The following CACNA2D2 variants were observed in gnomAD, a reference collection of about 807,000 sequenced individuals.
CACNA2D2 encodes the protein voltage-dependent calcium channel subunit alpha-2/delta-2.
Under a neutral mutation model 166.4 loss-of-function variants are expected in CACNA2D2, and 48 were observed. The ratio of observed to expected loss-of-function variants is 0.29; its 90% CI spans 0.23 to 0.37. CACNA2D2 has a LOEUF of 0.37. CACNA2D2 is among the 10% of genes least tolerant of loss of function. CACNA2D2 has a pLI of 1.00. For missense variants in CACNA2D2, 1,122 were observed against 1,433.0 expected, an observed-to-expected ratio of 0.78 and a Z score of 3.50; for synonymous variants, 561 against 573.7, an observed-to-expected ratio of 0.98 and a Z score of 0.32.
At position 50,403,967 on chromosome 3, in the gene CACNA2D2, G is replaced by A. The variant is rs144831784; in HGVS notation, c.406-9799C>T. On this transcript the variant is annotated intron_variant, in intron 3 of 37. Coordinates refer to ENST00000424201, the MANE Select transcript of CACNA2D2 (RefSeq NM_006030.4). ...TCCCTCCCAGATGTGGTCCCTTGAA[G>A]GCAGGGACTTGATTCATGGATCTGT... Among the ~76,000 whole-genome samples, 275 of 152,342 alleles carry A rather than the reference G, an allele frequency of 1.8e-3. 1 individual carries two copies. In the East Asian group the frequency reaches 0.021, roughly 12 times the overall value.
Position 50,384,244 on chromosome 3 carries a change from T to C in CACNA2D2, c.604A>G (p.Asn202Asp), listed in dbSNP as rs767687272. 6 of 1,614,210 alleles carry C rather than the reference T, an allele frequency of 3.7e-6. No individual in the cohort carries two copies. ...ATCTGTACAGCCGCGTATGAATAGT[T>C]GACCTTGTTCTTGAAGTTTGGGTCC... Reference protein sequence around the residue: ...IEDPNFKNKVNYSYAAVQIPT... With the variant: ...IEDPNFKNKVDYSYAAVQIPT... Residue 202 changes from asparagine (N) to aspartate (D), a missense_variant, in exon 6 of 38, where the codon AAC becomes GAC. Transcript: ENST00000424201.
At position 50,485,504 on chromosome 3, in the gene CACNA2D2, G is replaced by A. The variant is rs371473359; in HGVS notation, c.207-9305C>T. Reference sequence around the variant, plus strand: ...AGGTAGCGCTGTAAAACATGACTCCGTATTGAGTAAATAATCATTATAAAC... The same window carrying A: ...AGGTAGCGCTGTAAAACATGACTCCATATTGAGTAAATAATCATTATAAAC... On this transcript the variant is annotated intron_variant, in intron 1 of 37. Transcript: ENST00000424201. Among the ~76,000 whole-genome samples the A allele has an allele frequency of 7.2e-5, 11 of 152,366 alleles. No homozygotes were observed. In the East Asian group the frequency reaches 7.7e-4, roughly 11 times the overall value.
At chr3:50,400,306 T>C (rs1382230426) in intron 3 of CACNA2D2, among the ~76,000 whole-genome samples, 3 of 152,218 alleles carry the variant, frequency 2.0e-5, no homozygotes, top group South Asian at 4.1e-4. Flanking sequence ...TGCTTCGGCC[T>C]TGAGCAGACA....
chr3:50,426,715 G>A (rs1251320411), intron 3 of CACNA2D2, among the ~76,000 whole-genome samples: 1 of 152,124 alleles, frequency 6.6e-6, no homozygotes, highest in Non-Finnish European at 1.5e-5. Context: ...GCATCTTGGA[G>A]GAGGTCCCAG....
At chr3:50,415,063 C>T (rs747440556) in intron 3 of CACNA2D2, among the ~76,000 whole-genome samples, 1 of 152,188 alleles carries the variant, frequency 6.6e-6, no homozygotes, top group Non-Finnish European at 1.5e-5. Context: ...GTCATGGGGG[C>T]CAACACTCTC....
chr3:50,399,950 G>C (rs1476242522), intron 3 of CACNA2D2, among the ~76,000 whole-genome samples: 1 of 152,160 alleles, frequency 6.6e-6, no homozygotes, highest in Non-Finnish European at 1.5e-5. Context: ...TCCAGGCCAC[G>C]GGAGGGGACA....
At position 50,380,886 on chromosome 3, in the gene CACNA2D2, G is replaced by A; in HGVS notation, c.785-81C>T. 1 of 1,537,220 alleles carries A rather than the reference G, an allele frequency of 6.5e-7. No individual in the cohort carries two copies. Among genetic ancestry groups the A allele is most frequent in the South Asian group, 1.2e-5 (1 of 81,328 alleles). ...CAGACCTTGCAGAGGCGACTGGGCT[G>A]CCACAGACTACAGAGAAGCCACCCC... On this transcript the variant is annotated intron_variant, in intron 7 of 37. Coordinates refer to ENST00000424201, the MANE Select transcript of CACNA2D2 (RefSeq NM_006030.4). The surrounding 1 kb of genome is among the most constrained non-coding windows in gnomAD (Gnocchi z 4.9).
chr3:50,459,436 C>G (rs1709502268), intron 2 of CACNA2D2, among the ~76,000 whole-genome samples: 1 of 152,136 alleles, frequency 6.6e-6, no homozygotes, highest in South Asian at 2.1e-4. Context: ...CTTCCCAACT[C>G]TCTCACCTGA....
In CACNA2D2 at chr3:50,402,845, G is replaced by A. The variant is rs971134594; in HGVS notation, c.406-8677C>T. Among the ~76,000 whole-genome samples, 12 of 152,302 alleles carry A rather than the reference G, an allele frequency of 7.9e-5. No individual in the cohort carries two copies. In the South Asian group the frequency reaches 8.3e-4, roughly 11 times the overall value. ...TTCATCAACATTTCTCTCATCCTTA[G>A]AAAAAACCATGCAGATAGCATTGGG... On this transcript the variant is annotated intron_variant, in intron 3 of 37. Transcript: ENST00000424201.
intron 1 of CACNA2D2, among the ~76,000 whole-genome samples, chr3:50,498,413 C>T (rs1698812487): frequency 6.6e-6 from 1 of 152,172 alleles, no homozygotes; most frequent in Non-Finnish European, 1.5e-5. Context: ...CCCCCAGCCC[C>T]ACCCCCACCT....
At chr3:50,499,309 G>A (rs974905619) in intron 1 of CACNA2D2, among the ~76,000 whole-genome samples, 5 of 152,314 alleles carry the variant, frequency 3.3e-5, no homozygotes, top group East Asian at 1.9e-4. Context: ...CACCTAGCCC[G>A]TGGGAGCCCT....
chr3:50,503,236 C>CTGTA lies in CACNA2D2; in HGVS notation c.184_187dup (p.Ser63IlefsTer35). ...CACTTACGTGTGCTGCTGGGGGAAGCTGTAGGCAGAGGCGCCGGGGGCGGC... is the reference window on the plus strand; with the variant it reads ...CACTTACGTGTGCTGCTGGGGGAAGCTGTATGTAGGCAGAGGCGCCGGGGGCGGC... On this transcript the variant is annotated frameshift_variant, in exon 1 of 38. Coordinates refer to ENST00000424201, the MANE Select transcript of CACNA2D2 (RefSeq NM_006030.4). LOFTEE classifies it high-confidence loss of function. 1 of 1,195,732 alleles carries CTGTA rather than the reference C, an allele frequency of 8.4e-7. No individual in the cohort carries two copies. Among genetic ancestry groups the CTGTA allele is most frequent in the Non-Finnish European group, 1.0e-6 (1 of 964,090 alleles). The allele number at this position is 1,195,732 out of a possible 1,614,324, so 74.1% of individuals were successfully genotyped here. A position where few individuals can be genotyped will look rare whatever the true frequency, so the allele number is the denominator to read the frequency against.
chr3:50,496,496 C>T (rs1698731018), intron 1 of CACNA2D2, among the ~76,000 whole-genome samples: 3 of 152,252 alleles, frequency 2.0e-5, no homozygotes, highest in African/African-American at 7.2e-5. Flanking sequence ...GAAAGACTCA[C>T]AAACCACAAG....
In CACNA2D2 at chr3:50,379,946, C is replaced by T. The variant is rs1337909847; in HGVS notation, c.893+22G>A. On this transcript the variant is annotated intron_variant, in intron 9 of 37. Coordinates refer to ENST00000424201, the MANE Select transcript of CACNA2D2 (RefSeq NM_006030.4). The surrounding 1 kb of genome is among the most constrained non-coding windows in gnomAD (Gnocchi z 6.5). ...ATTGCCCGTCCCTGCCCCAGCCCCA[C>T]TTGCCAGCACTGCTCACTCACACAT... 1.2e-6 allele frequency: 2 copies of T among 1,613,942 alleles called. No individual in the cohort carries two copies. Among genetic ancestry groups the T allele is most frequent in the South Asian group, 1.1e-5 (1 of 91,084 alleles).
At chr3:50,414,438 G>C (rs1707173238) in intron 3 of CACNA2D2, among the ~76,000 whole-genome samples, 1 of 152,144 alleles carries the variant, frequency 6.6e-6, no homozygotes, top group Non-Finnish European at 1.5e-5. Flanking sequence ...CTCAACATGA[G>C]GTCAAAGCAG....
intron 3 of CACNA2D2, among the ~76,000 whole-genome samples, chr3:50,401,719 T>C (rs529855095): frequency 6.6e-6 from 1 of 152,002 alleles, no homozygotes; most frequent in East Asian, 1.9e-4. Context: ...TTCAGTTTTG[T>C]TTTTTTTGAG....
intron 3 of CACNA2D2, among the ~76,000 whole-genome samples, chr3:50,430,914 G>A (rs1173837144): frequency 1.3e-5 from 2 of 152,156 alleles, no homozygotes; most frequent in African/African-American, 4.8e-5. Context: ...CTGGTTGCTT[G>A]CATTGCAAGG....
chr3:50,420,796 C>T (rs1707521028), intron 3 of CACNA2D2, among the ~76,000 whole-genome samples: 1 of 152,220 alleles, frequency 6.6e-6, no homozygotes, highest in South Asian at 2.1e-4. Flanking sequence ...TGAGTAGAGG[C>T]AATGCTGGCG....
At chr3:50,438,477 C>A (rs1254843053) in intron 2 of CACNA2D2, among the ~76,000 whole-genome samples, 1 of 152,212 alleles carries the variant, frequency 6.6e-6, no homozygotes, top group Non-Finnish European at 1.5e-5. Flanking sequence ...CTCTGCCCAG[C>A]CTCCTGCTTC....
Sources: gnomAD v4.1 joint callset for allele counts (sites outside exome capture counted in the v4.1 genomes callset) on GRCh38, gnomAD v4.1.1 for gene constraint, Gnocchi (gnomAD v3.1) non-coding constraint, MANE v1.5 for transcripts, NCBI Gene and HGNC (gene_info 2026-07-23, HGNC 2026-07-21) for gene names.